TMC7: variants seen among roughly 807,000 people sequenced by gnomAD.
The protein encoded by TMC7 is transmembrane channel like 7.
In TMC7, 54 loss-of-function variants were observed where a neutral mutation model predicts 82.9. The ratio of observed to expected loss-of-function variants is 0.65; its 90% CI spans 0.52 to 0.82. TMC7 has a LOEUF of 0.82. TMC7 is among the 40% of genes least tolerant of loss of function. The probability of loss-of-function intolerance (pLI) is 0.00; values close to 1 mark genes in which losing one functional copy is unlikely to be tolerated. For missense variants in TMC7, 820 were observed against 901.2 expected, an observed-to-expected ratio of 0.91 and a Z score of 1.15; for synonymous variants, 350 against 337.9, an observed-to-expected ratio of 1.04 and a Z score of -0.39.
At position 19,056,522 on chromosome 16, in the gene TMC7, G is replaced by A. The variant is rs866569031; in HGVS notation, c.1872-20G>A. The A allele has an allele frequency of 1.4e-5, 23 of 1,610,214 alleles. No homozygotes were observed. Among genetic ancestry groups the A allele is most frequent in the Admixed American group, 1.2e-4 (7 of 59,736 alleles). On this transcript the variant is annotated intron_variant, in intron 13 of 15. Transcript: ENST00000304381. Reference sequence around the variant, plus strand: ...TGTGCTGCACGCTCCTTCTGAGCCCGTTGGTCTGTGTCCTGGCAGCATCCC... The same window carrying A: ...TGTGCTGCACGCTCCTTCTGAGCCCATTGGTCTGTGTCCTGGCAGCATCCC...
chr16:18,989,519 G>T (rs200471353), intron 1 of TMC7, among the ~76,000 whole-genome samples: 1 of 146,918 alleles, frequency 6.8e-6, no homozygotes, highest in East Asian at 1.9e-4. Flanking sequence ...CATTGTTTGG[G>T]CCTGGGGCCA....
At chr16:19,050,529 C>G (rs1961490967) in intron 12 of TMC7, among the ~76,000 whole-genome samples, 3 of 151,894 alleles carry the variant, frequency 2.0e-5, no homozygotes, top group Non-Finnish European at 4.4e-5. Flanking sequence ...CTCACCCAGA[C>G]TTAGGGCAGT....
At chr16:19,040,235 T>A in intron 8 of TMC7, 54 bp from the exon 9 acceptor site, 1 of 1,527,184 alleles carries the variant, frequency 6.5e-7, no homozygotes, top group Admixed American at 1.9e-5. Flanking sequence ...TCTATCTATT[T>A]GTGGTGTAAC....
At position 19,021,709 on chromosome 16, in the gene TMC7, A is replaced by T. The variant is rs768452250; in HGVS notation, c.541A>T (p.Ile181Phe). The change falls in exon 4 of 16, where the codon ATC becomes TTC. Residue 181 changes from isoleucine to phenylalanine, a missense_variant. This residue lies in a region of TMC7 where 650 missense variants were observed against 669.9 expected (regional missense o/e 0.97). Coordinates refer to ENST00000304381, the MANE Select transcript of TMC7 (RefSeq NM_024847.4). The stretch of plus-strand genomic sequence containing the variant: ...GCTGAATTTGGTGATATTTCTGATC[A>T]TCTTTATGCTGGTTTTGCTCCCAGT... ...VLLNLVIFLI[I>F]FMLVLLPVLL... The T allele has an allele frequency of 3.2e-5, 51 of 1,613,956 alleles. No homozygotes were observed. Among genetic ancestry groups the T allele is most frequent in the Non-Finnish European group, 4.2e-5 (49 of 1,180,032 alleles).
In TMC7 at chr16:19,037,766, C is replaced by T. The variant is rs761739435; in HGVS notation, c.1006-108C>T. On this transcript the variant is annotated intron_variant, in intron 7 of 15. Coordinates refer to ENST00000304381, the MANE Select transcript of TMC7 (RefSeq NM_024847.4). ...AGGGTTACAGGAGTGAGCCACCATG[C>T]CTGGCTAGAACTCTTAAAGATGGAT... 2.5e-6 allele frequency: 3 copies of T among 1,223,158 alleles called. No individual in the cohort carries two copies. In the African/African-American group the frequency reaches 4.6e-5, roughly 19 times the overall value. 75.8% of individuals were successfully genotyped at this position (1,223,158 alleles called of 1,614,324 possible).
intron 10 of TMC7, 157 bp from the exon 11 acceptor site, chr16:19,045,184 C>G (rs1002458486): frequency 3.6e-6 from 3 of 822,370 alleles, no homozygotes; most frequent in South Asian, 3.1e-5. Flanking sequence ...GCTTGGAAAC[C>G]AAGGTCTGTG....
chr16:18,989,329 C>T (rs1250355038), intron 1 of TMC7, among the ~76,000 whole-genome samples: 1 of 152,102 alleles, frequency 6.6e-6, no homozygotes, highest in Non-Finnish European at 1.5e-5. Flanking sequence ...GTTATTTTTT[C>T]CCCATGTCTG....
intron 6 of TMC7, among the ~76,000 whole-genome samples, chr16:19,032,091 T>C (rs1386345490): frequency 6.6e-6 from 1 of 152,184 alleles, no homozygotes; most frequent in African/African-American, 2.4e-5. Context: ...GGGGGTTGCT[T>C]GGCAGACAGT....
In TMC7 at chr16:18,983,975, G is replaced by T. The variant is rs2038795213; in HGVS notation, c.-89G>T. 3.1e-6 allele frequency: 4 copies of T among 1,297,652 alleles called. No homozygotes were observed. The East Asian group carries it at 1.3e-4, about 41-fold the overall frequency. The allele number at this position is 1,297,652 out of a possible 1,614,324, so 80.4% of individuals were successfully genotyped here. The stretch of plus-strand genomic sequence containing the variant: ...TGTCAGCGCCGGAACCTGGAATCCC[G>T]GCTCCGCGAGGGAAGGCCGGGGAGG... On this transcript the variant is annotated 5_prime_UTR_variant, in exon 1 of 16. Transcript: ENST00000304381.
intron 6 of TMC7, among the ~76,000 whole-genome samples, chr16:19,033,303 A>G (rs746069064): frequency 6.6e-6 from 1 of 152,142 alleles, no homozygotes; most frequent in Non-Finnish European, 1.5e-5. Flanking sequence ...CCTTATCATC[A>G]AAGTAGCACC....
chr16:19,002,889 T>G (rs1242014362), intron 1 of TMC7, among the ~76,000 whole-genome samples: 1 of 152,158 alleles, frequency 6.6e-6, no homozygotes, highest in African/African-American at 2.4e-5. Flanking sequence ...TGTCTGACAA[T>G]AACTGTAATG....
At chr16:19,016,644 G>A (rs1273241737) in intron 3 of TMC7, 46 bp downstream of exon 3, 8 of 1,591,528 alleles carry the variant, frequency 5.0e-6, no homozygotes, top group Non-Finnish European at 6.8e-6. Flanking sequence ...AGAAGTCTGT[G>A]TCTGGGGAGC....
chr16:18,997,789 GTA>G (rs2039070369), intron 1 of TMC7, among the ~76,000 whole-genome samples: 2 of 147,298 alleles, frequency 1.4e-5, no homozygotes, highest in Non-Finnish European at 3.0e-5. Flanking sequence ...GAGTGCAGTG[GTA>G]CGATCTCGGC....
chr16:19,030,099 C>G, intron 5 of TMC7, 125 bp from the exon 6 acceptor site: 2 of 949,668 alleles, frequency 2.1e-6, no homozygotes, highest in Non-Finnish European at 3.2e-6. Context: ...GGGGCTGTTC[C>G]AGTCTCTGGG....
At chr16:18,989,585 T>G in intron 1 of TMC7, among the ~76,000 whole-genome samples, 1 of 142,212 alleles carries the variant, frequency 7.0e-6, no homozygotes, top group Non-Finnish European at 1.6e-5. Context: ...GGGAAGAAAA[T>G]GGGCCCTGAG....
chr16:19,034,233 A>G (rs543010068), intron 6 of TMC7, among the ~76,000 whole-genome samples: 1 of 152,344 alleles, frequency 6.6e-6, no homozygotes, highest in Admixed American at 6.5e-5. Flanking sequence ...AAATTTAGTT[A>G]GAGTAAGGAG....
In TMC7 at chr16:19,062,214, C is replaced by G. The variant is rs889529787; in HGVS notation, c.*371C>G. 1 of 196,736 alleles carries G rather than the reference C, an allele frequency of 5.1e-6. No individual in the cohort carries two copies. The highest frequency in any genetic ancestry group is 1.0e-5 in the Non-Finnish European group (1 of 97,822). 12.2% of individuals were successfully genotyped at this position (196,736 alleles called of 1,614,324 possible). A position where few individuals can be genotyped will look rare whatever the true frequency, so the allele number is the denominator to read the frequency against. Reference sequence around the variant, plus strand: ...GTGGACTGAAGCTCAGCCTGTTAATCAGACCAGCCCATGAGTGTATAACAA... The same window carrying G: ...GTGGACTGAAGCTCAGCCTGTTAATGAGACCAGCCCATGAGTGTATAACAA... On this transcript the variant is annotated 3_prime_UTR_variant, in exon 16 of 16. Transcript: ENST00000304381.
intron 5 of TMC7, among the ~76,000 whole-genome samples, chr16:19,024,196 C>G (rs761582693): frequency 2.6e-5 from 4 of 152,088 alleles, no homozygotes; most frequent in Non-Finnish European, 5.9e-5. Context: ...TTTGAGAGGC[C>G]GAGGCAGGAG....
At chr16:19,021,511 G>T (rs989569394) in intron 3 of TMC7, 118 bp from the exon 4 acceptor site, 7 of 1,116,182 alleles carry the variant, frequency 6.3e-6, no homozygotes, top group Non-Finnish European at 9.0e-6. Flanking sequence ...AAAATAAAAC[G>T]TTTCTTCCTC....
Sources: gnomAD v4.1 joint callset for allele counts (sites outside exome capture counted in the v4.1 genomes callset) on GRCh38, gnomAD v4.1.1 for gene constraint, gnomAD v4.1.1 regional missense constraint, MANE v1.5 for transcripts, NCBI Gene and HGNC (gene_info 2026-07-23, HGNC 2026-07-21) for gene names.